The following ITGB3BP variants were observed in gnomAD, a reference collection of about 807,000 sequenced individuals.
ITGB3BP encodes the protein centromere protein R.
Under a neutral mutation model 29.1 loss-of-function variants are expected in ITGB3BP, and 27 were observed. That is an observed-to-expected ratio of 0.93 (90% confidence interval 0.68 to 1.28). The LOEUF (loss-of-function observed/expected upper bound fraction) is 1.28. Among genes scored for constraint, ITGB3BP ranks in the 50% most tolerant of loss-of-function variants. The pLI is 0.00. For missense variants in ITGB3BP, 192 were observed against 200.2 expected (o/e 0.96, Z 0.25); for synonymous variants, 61 against 61.4 (o/e 0.99, Z 0.03).
At chr1:63,446,059 G>A (rs1021860496) in intron 8 of ITGB3BP, among the ~76,000 whole-genome samples, 23 of 151,936 alleles carry the variant, frequency 1.5e-4, no homozygotes, top group African/African-American at 3.9e-4. Context: ...CAAGCTAGCC[G>A]GCTAATTTTT....
At chr1:63,478,604 A>G (rs1645382850) in intron 4 of ITGB3BP, among the ~76,000 whole-genome samples, 160 bp downstream of exon 4, 1 of 152,234 alleles carries the variant, frequency 6.6e-6, no homozygotes. Flanking sequence ...ATCACAAACC[A>G]CATCACAACT....
intron 4 of ITGB3BP, among the ~76,000 whole-genome samples, chr1:63,455,785 AAC>A (rs760914637): frequency 9.2e-5 from 14 of 152,322 alleles, no homozygotes; most frequent in African/African-American, 1.2e-4. Context: ...AATCTATATC[AAC>A]ACAGTCTGAT....
At chr1:63,458,507 G>A (rs1468324308) in intron 4 of ITGB3BP, 1 of 152,052 alleles carries the variant, frequency 6.6e-6, no homozygotes, top group Non-Finnish European at 1.5e-5. Context: ...AAGGAGTAGA[G>A]CAGATGAAAA....
chr1:63,517,251 T>C (rs988919320), intron 1 of ITGB3BP, among the ~76,000 whole-genome samples: 2 of 152,004 alleles, frequency 1.3e-5, no homozygotes, highest in Non-Finnish European at 1.5e-5. Context: ...ATCTAAACAT[T>C]GGTGAGAACT....
chr1:63,466,543 G>A (rs944340221), intron 4 of ITGB3BP, among the ~76,000 whole-genome samples: 14 of 152,154 alleles, frequency 9.2e-5, no homozygotes, highest in African/African-American at 3.4e-4. Context: ...TATCTACAAG[G>A]CTAGTTTCAG....
At chr1:63,461,742 A>C (rs1387198391) in intron 4 of ITGB3BP, among the ~76,000 whole-genome samples, 1 of 152,250 alleles carries the variant, frequency 6.6e-6, no homozygotes, top group Non-Finnish European at 1.5e-5. Context: ...TCCATTAAAT[A>C]AACTTGGCCT....
At chr1:63,468,464 A>G (rs575798514) in intron 4 of ITGB3BP, among the ~76,000 whole-genome samples, 1 of 152,316 alleles carries the variant, frequency 6.6e-6, no homozygotes, top group South Asian at 2.1e-4. Flanking sequence ...ACGGTGGCTC[A>G]CGCCTGTAAT....
intron 1 of ITGB3BP, among the ~76,000 whole-genome samples, chr1:63,512,421 C>T (rs1646220071): frequency 6.6e-6 from 1 of 152,040 alleles, no homozygotes; most frequent in Non-Finnish European, 1.5e-5. Context: ...AAAACCCTAT[C>T]ATTTGATTCC....
chr1:63,505,609 G>T (rs557947507), intron 2 of ITGB3BP, among the ~76,000 whole-genome samples: 3 of 152,186 alleles, frequency 2.0e-5, no homozygotes, highest in African/African-American at 7.2e-5. Flanking sequence ...ATGTTAGGGG[G>T]TGTCAATTTT....
rs193168119 is a variant in ITGB3BP at position 63,448,651 on chromosome 1, A to G, written c.485-1795T>C. 1.3e-3 allele frequency among the ~76,000 whole-genome samples: 199 copies of G among 152,236 alleles called. 3 individuals are homozygous for G. The highest frequency in any genetic ancestry group is 0.011 in the Admixed American group (172 of 15,286). On this transcript the variant is annotated intron_variant, in intron 7 of 8. Coordinates refer to ENST00000271002, the MANE Select transcript of ITGB3BP (RefSeq NM_014288.5). The stretch of plus-strand genomic sequence containing the variant: ...TTTTTGACTACTCTGAGAGTAAAAA[A>G]TGGGAAAAAAAAGTTCACCTGTCAG...
At chr1:63,518,651 A>C (rs545178428) in intron 1 of ITGB3BP, among the ~76,000 whole-genome samples, 27 of 148,438 alleles carry the variant, frequency 1.8e-4, no homozygotes, top group African/African-American at 6.6e-4. Flanking sequence ...GACTTGCTTT[A>C]AAAAAAAATC....
intron 7 of ITGB3BP, chr1:63,449,425 A>C (rs1413809156): frequency 6.6e-6 from 1 of 152,202 alleles, no homozygotes; most frequent in Non-Finnish European, 1.5e-5. Flanking sequence ...AAGTATAAAA[A>C]ATTTAAATCA....
At chr1:63,471,326 C>T (rs1227909192) in intron 4 of ITGB3BP, among the ~76,000 whole-genome samples, 2 of 141,018 alleles carry the variant, frequency 1.4e-5, no homozygotes, top group East Asian at 2.2e-4. Context: ...GCAGTGGTGG[C>T]ACGATCTCGG....
intron 3 of ITGB3BP, among the ~76,000 whole-genome samples, chr1:63,487,050 G>C (rs114719898): frequency 0.028 from 4,283 of 151,732 alleles, 87 homozygotes; most frequent in Non-Finnish European, 0.041. Flanking sequence ...GACTGTGTAG[G>C]GTCTAAGTGT....
chr1:63,446,652 T>C (rs1644794545), intron 8 of ITGB3BP, 154 bp downstream of exon 8: 1 of 621,914 alleles, frequency 1.6e-6, no homozygotes, highest in Non-Finnish European at 2.9e-6. Flanking sequence ...TAAGACTAGA[T>C]TAATATAAGT....
chr1:63,518,341 T>G (rs1646380176), intron 1 of ITGB3BP, among the ~76,000 whole-genome samples: 1 of 152,196 alleles, frequency 6.6e-6, no homozygotes, highest in Admixed American at 6.5e-5. Context: ...GCCATCATGC[T>G]AAGTTGTATT....
intron 1 of ITGB3BP, among the ~76,000 whole-genome samples, chr1:63,522,789 T>C (rs1370173940): frequency 6.6e-6 from 1 of 152,126 alleles, no homozygotes; most frequent in Non-Finnish European, 1.5e-5. Flanking sequence ...GGCAAGGGAC[T>C]GACAAACTAC....
chr1:63,484,946 A>C (rs1470203549), intron 3 of ITGB3BP, among the ~76,000 whole-genome samples: 1 of 151,904 alleles, frequency 6.6e-6, no homozygotes, highest in Non-Finnish European at 1.5e-5. Context: ...ATCTTTCTCT[A>C]TCTCTTATGT....
chr1:63,490,500 T>C (rs1033815860), intron 2 of ITGB3BP, among the ~76,000 whole-genome samples: 6 of 152,168 alleles, frequency 3.9e-5, no homozygotes, highest in Non-Finnish European at 8.8e-5. Flanking sequence ...AGGTTAGAGA[T>C]GGCCAACTCT....
Sources: allele counts gnomAD v4.1 joint callset (sites outside exome capture counted in the v4.1 genomes callset), GRCh38; gene constraint gnomAD v4.1.1; transcripts MANE v1.5; gene names NCBI Gene and HGNC (gene_info 2026-07-23, HGNC 2026-07-21).